The following ARL15 variants were observed in gnomAD, a reference collection of about 807,000 sequenced individuals.
ARL15 encodes the protein ADP-ribosylation factor-like protein 15.
Under a neutral mutation model 25.2 loss-of-function variants are expected in ARL15, and 19 were observed. The observed-to-expected ratio is 0.75, with a 90% CI of 0.53 to 1.10. The LOEUF is 1.10. Ranked by LOEUF, ARL15 falls within the 50% of genes least tolerant of loss-of-function variation. ARL15 has a pLI of 0.00. For synonymous variants in ARL15, 94 were observed against 86.8 expected, an observed-to-expected ratio of 1.08 and a Z score of -0.46; for missense variants, 220 against 246.0, an observed-to-expected ratio of 0.89 and a Z score of 0.71.
chr5:54,132,573 T>C (rs939321264), intron 3 of ARL15, among the ~76,000 whole-genome samples: 7 of 152,194 alleles, frequency 4.6e-5, no homozygotes, highest in Non-Finnish European at 1.0e-4. Flanking sequence ...TATGGTACTT[T>C]TTTTTCTTAA....
At chr5:54,043,132 C>T (rs1437954220) in intron 4 of ARL15, among the ~76,000 whole-genome samples, 2 of 152,062 alleles carry the variant, frequency 1.3e-5, no homozygotes, top group Non-Finnish European at 2.9e-5. Flanking sequence ...AAAACAAGCA[C>T]AACCTTCTCT....
intron 4 of ARL15, among the ~76,000 whole-genome samples, chr5:54,016,578 G>A (rs1309499228): frequency 1.3e-5 from 2 of 152,138 alleles, no homozygotes; most frequent in East Asian, 1.9e-4. Flanking sequence ...CTTTAACACC[G>A]GCTCCCCACC....
rs190846443 is a variant in ARL15 at position 54,008,243 on chromosome 5, A to G, written c.462+104959T>C. On this transcript the variant is annotated intron_variant, in intron 4 of 4. Coordinates refer to ENST00000504924, the MANE Select transcript of ARL15 (RefSeq NM_019087.3). ...ACCACCTAAGACAGAAATAGTGAGAAAAGGTATCTAGGGAAAAGAAGGTGT... is the reference window on the plus strand; with the variant it reads ...ACCACCTAAGACAGAAATAGTGAGAGAAGGTATCTAGGGAAAAGAAGGTGT... 2.1e-3 allele frequency among the ~76,000 whole-genome samples: 313 copies of G among 152,294 alleles called. 2 individuals are homozygous for G. Among genetic ancestry groups the G allele is most frequent in the African/African-American group, 7.2e-3 (298 of 41,552 alleles).
intron 1 of ARL15, among the ~76,000 whole-genome samples, chr5:54,216,572 A>C (rs766851039): frequency 6.6e-6 from 1 of 152,182 alleles, no homozygotes; most frequent in Admixed American, 6.5e-5. Flanking sequence ...CCACCAGCAC[A>C]TTTTATTTTA....
intron 4 of ARL15, among the ~76,000 whole-genome samples, chr5:53,903,885 A>C (rs1344964423): frequency 6.6e-6 from 1 of 152,196 alleles, no homozygotes; most frequent in Non-Finnish European, 1.5e-5. Flanking sequence ...TACAAAGGTG[A>C]ACATAACAAG....
At chr5:53,956,204 A>G (rs1350506596) in intron 4 of ARL15, among the ~76,000 whole-genome samples, 2 of 151,976 alleles carry the variant, frequency 1.3e-5, no homozygotes, top group Non-Finnish European at 2.9e-5. Flanking sequence ...AATGGAAGCT[A>G]AAGGAATAAA....
intron 4 of ARL15, among the ~76,000 whole-genome samples, chr5:53,993,420 C>T (rs929221618): frequency 2.0e-5 from 3 of 151,972 alleles, no homozygotes; most frequent in Admixed American, 6.6e-5. Context: ...CCAGCCTGGG[C>T]AACATAGGAG....
intron 4 of ARL15, among the ~76,000 whole-genome samples, chr5:53,949,505 T>C (rs1013502006): frequency 7.9e-5 from 12 of 152,220 alleles, no homozygotes; most frequent in African/African-American, 2.7e-4. Context: ...AGATGTAGTT[T>C]CTTCATCATT....
intron 4 of ARL15, among the ~76,000 whole-genome samples, chr5:54,096,409 T>C (rs1752288345): frequency 6.6e-6 from 1 of 152,192 alleles, no homozygotes; most frequent in African/African-American, 2.4e-5. Flanking sequence ...GACATTTCAT[T>C]TCATTTCATT....
intron 3 of ARL15, among the ~76,000 whole-genome samples, chr5:54,123,992 C>A (rs1753168121): frequency 6.6e-6 from 1 of 152,172 alleles, no homozygotes; most frequent in Admixed American, 6.5e-5. Context: ...AAGCACTTCA[C>A]TTCCAAATAC....
intron 4 of ARL15, among the ~76,000 whole-genome samples, chr5:54,025,565 T>C (rs776492608): frequency 2.0e-5 from 3 of 152,344 alleles, no homozygotes; most frequent in Non-Finnish European, 2.9e-5. Flanking sequence ...TCTTTCTGAA[T>C]AAAAGCAATA....
chr5:53,961,771 T>C (rs1157756673), intron 4 of ARL15, among the ~76,000 whole-genome samples: 2 of 152,164 alleles, frequency 1.3e-5, no homozygotes, highest in Non-Finnish European at 2.9e-5. Context: ...GAACAAAATA[T>C]CTTTTATGTT....
In ARL15 at chr5:54,276,497, T is replaced by C. The variant is rs970228089; in HGVS notation, c.48+33935A>G. ...TTAGGACTAGGCTACACTGGTTTTCTTTTTTCTCTAGAAGAGGACAGATTG... is the reference window on the plus strand; with the variant it reads ...TTAGGACTAGGCTACACTGGTTTTCCTTTTTCTCTAGAAGAGGACAGATTG... On this transcript the variant is annotated intron_variant, in intron 1 of 4. Transcript: ENST00000504924. Among the ~76,000 whole-genome samples the C allele has an allele frequency of 3.9e-5, 6 of 152,314 alleles. No homozygotes were observed. The East Asian group carries it at 9.7e-4, about 25-fold the overall frequency.
intron 4 of ARL15, among the ~76,000 whole-genome samples, chr5:54,055,988 T>G (rs560206753): frequency 3.7e-4 from 57 of 152,256 alleles, no homozygotes; most frequent in South Asian, 1.5e-3. Context: ...ACTCAACAAA[T>G]GTTTATTGAA....
chr5:53,938,077 A>G (rs960946216), intron 4 of ARL15, among the ~76,000 whole-genome samples: 3 of 152,162 alleles, frequency 2.0e-5, no homozygotes, highest in Non-Finnish European at 4.4e-5. Flanking sequence ...CTTGATCCAG[A>G]GGCTTGTTAA....
rs188356253 is a variant in ARL15 at position 54,129,168 on chromosome 5, G to A, written c.254-15758C>T. On this transcript the variant is annotated intron_variant, in intron 3 of 4. Coordinates refer to ENST00000504924, the MANE Select transcript of ARL15 (RefSeq NM_019087.3). ...TGACTGTTTGTATACTATCTAAATC[G>A]AAACATCTAATATCTAAATCTGAAC... 1.7e-3 allele frequency among the ~76,000 whole-genome samples: 253 copies of A among 152,076 alleles called. 2 individuals carry two copies. Among genetic ancestry groups the A allele is most frequent in the Admixed American group, 8.1e-3 (124 of 15,280 alleles).
intron 3 of ARL15, among the ~76,000 whole-genome samples, chr5:54,117,133 A>G (rs1197565938): frequency 6.6e-6 from 1 of 152,212 alleles, no homozygotes; most frequent in Non-Finnish European, 1.5e-5. Context: ...AAAGTAATAC[A>G]AATTACAATG....
At chr5:53,938,986 G>C (rs770465563) in intron 4 of ARL15, among the ~76,000 whole-genome samples, 36 of 152,198 alleles carry the variant, frequency 2.4e-4, no homozygotes, top group Non-Finnish European at 4.6e-4. Context: ...AGCTATTATA[G>C]ATTTCCTCTC....
chr5:54,239,748 T>C (rs1756905053), intron 1 of ARL15, among the ~76,000 whole-genome samples: 1 of 152,136 alleles, frequency 6.6e-6, no homozygotes, highest in South Asian at 2.1e-4. Context: ...CAAATAACCA[T>C]TTTGGACAAT....
Sources: allele counts gnomAD v4.1 joint callset (sites outside exome capture counted in the v4.1 genomes callset), GRCh38; gene constraint gnomAD v4.1.1; transcripts MANE v1.5; gene names NCBI Gene and HGNC (gene_info 2026-07-23, HGNC 2026-07-21).